Variants in PCSK5 observed in about 807,000 individuals in gnomAD.
The protein encoded by PCSK5 is prohormone convertase 5.
Under a neutral mutation model 233.2 loss-of-function variants are expected in PCSK5, and 129 were observed. That is an observed-to-expected ratio of 0.55 (90% CI 0.48 to 0.64). The LOEUF is 0.64. Among genes scored for constraint, PCSK5 ranks in the 30% least tolerant of loss-of-function variants. PCSK5 has a pLI of 0.00. For synonymous variants in PCSK5, 825 were observed against 879.2 expected (o/e 0.94, Z 1.09); for missense variants, 2,076 against 2,430.1 (o/e 0.85, Z 3.06).
At chr9:75,967,272 G>A (rs1268638403) in intron 2 of PCSK5, among the ~76,000 whole-genome samples, 7 of 152,218 alleles carry the variant, frequency 4.6e-5, no homozygotes, top group Non-Finnish European at 8.8e-5. Context: ...GTAGCCCCCA[G>A]TATCTGCTGT....
chr9:76,284,518 C>CTT (rs35359559), intron 24 of PCSK5, among the ~76,000 whole-genome samples: 14,081 of 127,102 alleles, frequency 0.11, 906 homozygotes, highest in African/African-American at 0.18. Context: ...CCATTAAACC[C>CTT]TTTTTTTTTT....
intron 24 of PCSK5, among the ~76,000 whole-genome samples, chr9:76,261,223 GA>G (rs778668069): frequency 2.2e-4 from 34 of 152,318 alleles, no homozygotes; most frequent in Non-Finnish European, 4.4e-4. Context: ...TTTGGCTGCA[GA>G]TGCTAAACTT....
chr9:76,332,829 C>T (rs766606007), intron 34 of PCSK5, among the ~76,000 whole-genome samples: 14 of 152,152 alleles, frequency 9.2e-5, no homozygotes, highest in Non-Finnish European at 5.9e-5. Context: ...ATTGTCAAGC[C>T]GGACTCACCT....
At chr9:76,128,954 C>G (rs1454350435) in intron 9 of PCSK5, among the ~76,000 whole-genome samples, 1 of 152,202 alleles carries the variant, frequency 6.6e-6, no homozygotes, top group Non-Finnish European at 1.5e-5. Flanking sequence ...GGCAGATACT[C>G]CTGCTCGCAG....
At chr9:75,917,172 A>G (rs1217205653) in intron 1 of PCSK5, among the ~76,000 whole-genome samples, 4 of 99,304 alleles carry the variant, frequency 4.0e-5, no homozygotes, top group African/African-American at 1.0e-4. Context: ...CCGTCTCAGA[A>G]AAAAAAAAAA....
In PCSK5 at chr9:76,096,040, G is replaced by T; in HGVS notation, c.1045G>T (p.Glu349Ter). The change falls in exon 8 of 38, where the codon GAA becomes TAA. Residue 349 changes from glutamate (E) to a stop codon, truncating the protein, a stop_gained. Transcript: ENST00000674117. LOFTEE classifies it high-confidence loss of function. The stretch of plus-strand genomic sequence containing the variant: ...AAGCGGAAAGAAACCTTGGTACCTG[G>T]AAGAGTGTTCATCCACGCTGGCCAC... Reference protein sequence around the residue: ...AESGKKPWYLEECSSTLATTY... With the variant: ...AESGKKPWYL 2 of 1,614,128 alleles carry T rather than the reference G, an allele frequency of 1.2e-6. No homozygotes were observed. The highest frequency in any genetic ancestry group is 1.7e-6 in the Non-Finnish European group (2 of 1,180,028).
chr9:75,975,257 A>G (rs1563948797), intron 2 of PCSK5, among the ~76,000 whole-genome samples: 1 of 152,196 alleles, frequency 6.6e-6, no homozygotes, highest in Non-Finnish European at 1.5e-5. Context: ...AGCCATTGCC[A>G]TTTATATTTA....
chr9:76,184,634 T>C (rs775971336), intron 16 of PCSK5, 39 bp from the exon 17 acceptor site: 14 of 1,353,398 alleles, frequency 1.0e-5, no homozygotes, highest in South Asian at 2.4e-5. Flanking sequence ...TGGAATCCAA[T>C]TGACCAACTG....
At chr9:75,921,474 C>T (rs528917261) in intron 1 of PCSK5, among the ~76,000 whole-genome samples, 8 of 152,132 alleles carry the variant, frequency 5.3e-5, no homozygotes, top group South Asian at 2.1e-4. Context: ...GCAATGCTTC[C>T]GGTTCCCGAG....
chr9:75,936,100 A>C (rs557544654), intron 2 of PCSK5, among the ~76,000 whole-genome samples: 4 of 152,330 alleles, frequency 2.6e-5, no homozygotes, highest in African/African-American at 9.6e-5. Context: ...TTACGTCTGA[A>C]AAATGTACAT....
rs7873983 is a variant in PCSK5, at chr9:76,014,686, C to T, written c.412-9052C>T. On this transcript the variant is annotated intron_variant, in intron 3 of 37. Coordinates refer to ENST00000674117, the MANE Select transcript of PCSK5 (RefSeq NM_001372043.1). ...TATGTTACCGCCCTTCTGACTTCTT[C>T]TGCCAGGAGGATTGAACTTTGGTTA... is the stretch of plus-strand genomic sequence containing the variant. Among the ~76,000 whole-genome samples, 1,486 of 152,290 alleles carry T rather than the reference C, an allele frequency of 9.8e-3. 25 individuals carry two copies. Among genetic ancestry groups the T allele is most frequent in the African/African-American group, 0.034 (1,414 of 41,542 alleles).
chr9:75,960,952 A>AT (rs1825327197), intron 2 of PCSK5, among the ~76,000 whole-genome samples: 2 of 32,824 alleles, frequency 6.1e-5, no homozygotes, highest in African/African-American at 1.6e-4. Context: ...ACTCTTCTAT[A>AT]AGGAAATTGA....
intron 1 of PCSK5, among the ~76,000 whole-genome samples, chr9:75,926,682 G>A (rs1435266148): frequency 6.6e-6 from 1 of 152,072 alleles, no homozygotes; most frequent in Non-Finnish European, 1.5e-5. Context: ...TTATGTTAAT[G>A]GAATCATATG....
intron 2 of PCSK5, among the ~76,000 whole-genome samples, chr9:75,975,324 T>C (rs1825970596): frequency 6.6e-6 from 1 of 151,766 alleles, no homozygotes; most frequent in Non-Finnish European, 1.5e-5. Context: ...AAGGGAAGAG[T>C]GTTTCTCTCC....
chr9:75,995,744 T>TACAC (rs35132294), intron 3 of PCSK5, among the ~76,000 whole-genome samples: 17,482 of 145,894 alleles, frequency 0.12, 1,140 homozygotes, highest in Middle Eastern at 0.19. Context: ...GATTCATTCA[T>TACAC]ACACACACAC....
chr9:76,334,681 A>C (rs1829627933), intron 34 of PCSK5, among the ~76,000 whole-genome samples: 1 of 152,188 alleles, frequency 6.6e-6, no homozygotes, highest in Non-Finnish European at 1.5e-5. Context: ...CAGTGAGCCA[A>C]GATCACACCA....
intron 1 of PCSK5, among the ~76,000 whole-genome samples, chr9:75,928,596 CATATATATATATATATATATAT>C (rs61537466): frequency 8.6e-4 from 59 of 68,418 alleles, no homozygotes; most frequent in East Asian, 6.3e-3. Context: ...CATATAAATA[CATATATATATATATATATATAT>C]ATATATATAT....
intron 3 of PCSK5, among the ~76,000 whole-genome samples, chr9:75,991,664 G>A (rs925002396): frequency 6.6e-6 from 1 of 152,060 alleles, no homozygotes; most frequent in African/African-American, 2.4e-5. Flanking sequence ...AGGAAAGGTC[G>A]TGAGGATTTG....
At position 76,358,797 on chromosome 9, in the gene PCSK5, G is replaced by A. The variant is rs1295153181; in HGVS notation, c.5539G>A (p.Asp1847Asn). The A allele has an allele frequency of 6.2e-7, 1 of 1,612,940 alleles. No individual in the cohort carries two copies. The highest frequency in any genetic ancestry group is 8.5e-7 in the Non-Finnish European group (1 of 1,179,892). ...YRDRDYDEDD[D>N]DDIVYMGQDG... ...GGATCGGGACTATGATGAGGATGAT[G>A]ATGATGACATCGTCTACATGGGCCA... Residue 1847 changes from aspartate (D) to asparagine (N), a missense_variant, in exon 38 of 38, where the codon GAT (aspartate) becomes AAT (asparagine). This residue lies in a region of PCSK5 where 1,510 missense variants were observed against 1,538.1 expected (regional missense o/e 0.98). Transcript: ENST00000674117.
Sources: allele counts gnomAD v4.1 joint callset (sites outside exome capture counted in the v4.1 genomes callset), GRCh38; gene constraint gnomAD v4.1.1; regional missense constraint gnomAD v4.1.1; transcripts MANE v1.5; gene names NCBI Gene and HGNC (gene_info 2026-07-23, HGNC 2026-07-21).